Variants in CA10 observed in about 807,000 individuals in gnomAD.
CA10 encodes carbonic anhydrase-related protein 10.
In CA10, 14 loss-of-function variants were observed where a neutral mutation model predicts 44.2. The observed-to-expected ratio is 0.32, with a 90% CI of 0.21 to 0.50. CA10 has a LOEUF of 0.50. CA10 is among the 20% of genes least tolerant of loss of function. The pLI, the probability that CA10 is intolerant of heterozygous loss-of-function variation, is 0.99. For missense variants in CA10, 350 were observed against 409.7 expected, an observed-to-expected ratio of 0.85 and a Z score of 1.26; for synonymous variants, 159 against 141.6, an observed-to-expected ratio of 1.12 and a Z score of -0.87.
At chr17:51,696,470 TTC>T (rs1915405288) in intron 4 of CA10, among the ~76,000 whole-genome samples, 1 of 152,198 alleles carries the variant, frequency 6.6e-6, no homozygotes, top group Admixed American at 6.5e-5. Context: ...TACTTGGATC[TTC>T]TCTCTTTTCC....
chr17:52,126,405 C>T (rs966260791), intron 1 of CA10, among the ~76,000 whole-genome samples: 2 of 152,042 alleles, frequency 1.3e-5, no homozygotes, highest in Non-Finnish European at 2.9e-5. Flanking sequence ...AAAAAATATC[C>T]ATCAGTCATT....
At chr17:51,738,120 T>C (rs1354634003) in intron 4 of CA10, among the ~76,000 whole-genome samples, 1 of 152,164 alleles carries the variant, frequency 6.6e-6, no homozygotes, top group Non-Finnish European at 1.5e-5. Context: ...ATCAAGTAAA[T>C]GGAATTGAGT....
At chr17:51,641,131 TTC>T (rs999924010) in intron 6 of CA10, among the ~76,000 whole-genome samples, 4 of 92,558 alleles carry the variant, frequency 4.3e-5, no homozygotes, top group South Asian at 5.0e-4. Context: ...TATCCCCTCT[TTC>T]TCTCTCTCTC....
At chr17:51,933,588 T>A (rs1982747162) in intron 2 of CA10, among the ~76,000 whole-genome samples, 1 of 152,112 alleles carries the variant, frequency 6.6e-6, no homozygotes, top group African/African-American at 2.4e-5. Context: ...TCTGCTGTTT[T>A]AAGCCATGCA....
intron 4 of CA10, among the ~76,000 whole-genome samples, chr17:51,660,548 A>G (rs1484583228): frequency 1.3e-5 from 2 of 152,170 alleles, no homozygotes; most frequent in East Asian, 1.9e-4. Flanking sequence ...AAGGTGATGC[A>G]CTAGTGCATG....
At chr17:52,058,281 A>G (rs1987284649) in intron 2 of CA10, among the ~76,000 whole-genome samples, 1 of 152,178 alleles carries the variant, frequency 6.6e-6, no homozygotes. Flanking sequence ...AATTATAATA[A>G]TAAAAATCGT....
intron 7 of CA10, 71 bp from the exon 8 acceptor site, chr17:51,633,721 G>T: frequency 6.5e-7 from 1 of 1,536,852 alleles, no homozygotes. Flanking sequence ...TAAGACCACA[G>T]AGACTCTGGC....
At chr17:52,038,958 G>T (rs1443741947) in intron 2 of CA10, among the ~76,000 whole-genome samples, 1 of 152,144 alleles carries the variant, frequency 6.6e-6, no homozygotes, top group Non-Finnish European at 1.5e-5. Context: ...CTAGGGGTCA[G>T]AAGGCCTGTT....
chr17:51,662,001 C>T (rs1048746249), intron 4 of CA10, among the ~76,000 whole-genome samples: 3 of 152,112 alleles, frequency 2.0e-5, no homozygotes, highest in African/African-American at 4.8e-5. Flanking sequence ...AGAAACACAG[C>T]GTAGGCTAGA....
At chr17:51,891,663 T>C (rs1001072719) in intron 3 of CA10, among the ~76,000 whole-genome samples, 1 of 152,214 alleles carries the variant, frequency 6.6e-6, no homozygotes, top group African/African-American at 2.4e-5. Flanking sequence ...TGGTTTACTC[T>C]ATGGAAGAAG....
chr17:51,882,066 CAA>C (rs57495108), intron 3 of CA10, among the ~76,000 whole-genome samples: 56 of 82,030 alleles, frequency 6.8e-4, no homozygotes, highest in South Asian at 7.3e-4. Context: ...GCAGTGGCAA[CAA>C]AAAAAAAAAA....
rs138748765 is a variant in CA10 at position 51,845,979 on chromosome 17, T to A, written c.279+85011A>T. Among the ~76,000 whole-genome samples, 754 of 152,208 alleles carry A rather than the reference T, an allele frequency of 5.0e-3. 2 individuals are homozygous for A. The highest frequency in any genetic ancestry group is 0.017 in the African/African-American group (711 of 41,542). On this transcript the variant is annotated intron_variant, in intron 3 of 8. Coordinates refer to ENST00000451037, the MANE Select transcript of CA10 (RefSeq NM_020178.5). ...GAGGACATTCAAGGGAATTCACATA[T>A]CTATGTGAACAGCTGGTCTCTGGTC...
chr17:51,800,392 TA>T (rs1160538894), intron 3 of CA10, among the ~76,000 whole-genome samples: 3 of 152,246 alleles, frequency 2.0e-5, no homozygotes, highest in Non-Finnish European at 4.4e-5. Context: ...ATGGAGTGAT[TA>T]AAATGTTTGA....
intron 3 of CA10, among the ~76,000 whole-genome samples, chr17:51,830,827 A>G (rs1040223273): frequency 7.2e-5 from 11 of 152,166 alleles, no homozygotes; most frequent in African/African-American, 2.7e-4. Flanking sequence ...CCCATATTTT[A>G]GTTAAATCTC....
chr17:51,682,236 A>G (rs547947427), intron 4 of CA10, among the ~76,000 whole-genome samples: 70 of 152,280 alleles, frequency 4.6e-4, no homozygotes, highest in African/African-American at 1.4e-3. Context: ...GGGTTTCTAA[A>G]AAACGTGGTT....
At chr17:51,649,559 G>A (rs1405219282) in intron 5 of CA10, among the ~76,000 whole-genome samples, 1 of 152,200 alleles carries the variant, frequency 6.6e-6, no homozygotes, top group Non-Finnish European at 1.5e-5. Flanking sequence ...ATGAGTCTGA[G>A]AGGATGGGTA....
chr17:51,740,984 T>C (rs572462485), intron 4 of CA10, among the ~76,000 whole-genome samples: 26 of 152,274 alleles, frequency 1.7e-4, no homozygotes, highest in Admixed American at 3.3e-4. Context: ...TCATTTATTA[T>C]GTTTATTATT....
chr17:51,973,035 A>G (rs899665369), intron 2 of CA10, among the ~76,000 whole-genome samples: 6 of 152,206 alleles, frequency 3.9e-5, no homozygotes, highest in Admixed American at 6.5e-5. Flanking sequence ...AGCATTCTAC[A>G]GGGTCTCAAT....
Position 52,158,712 on chromosome 17 carries a change from T to C in CA10, c.-926A>G, listed in dbSNP as rs953681677. The C allele has an allele frequency of 6.6e-6, 1 of 152,556 alleles. No homozygotes were observed. The highest frequency in any genetic ancestry group is 1.5e-5 in the Non-Finnish European group (1 of 68,360). 9.5% of individuals were successfully genotyped at this position (152,556 alleles called of 1,614,324 possible). ...GCGCCGCTGTCGAGATTTTCCGCAATACAACTGCAGGGGTCGTTATTTCCT... is the reference window on the plus strand; with the variant it reads ...GCGCCGCTGTCGAGATTTTCCGCAACACAACTGCAGGGGTCGTTATTTCCT... On this transcript the variant is annotated 5_prime_UTR_variant, in exon 1 of 9. Transcript: ENST00000451037.
Sources: gnomAD v4.1 joint callset for allele counts (sites outside exome capture counted in the v4.1 genomes callset) on GRCh38, gnomAD v4.1.1 for gene constraint, MANE v1.5 for transcripts, NCBI Gene and HGNC (gene_info 2026-07-23, HGNC 2026-07-21) for gene names.